PAM: variants seen among roughly 807,000 people sequenced by gnomAD.
PAM encodes peptidylglycine alpha-amidating monooxygenase, also known as peptidyl-glycine alpha-amidating monooxygenase.
PAM carries 72 observed loss-of-function variants against 122.1 expected under a neutral mutation model. That is an observed-to-expected ratio of 0.59 (90% CI 0.49 to 0.72). The LOEUF is 0.72. PAM is among the 30% of genes least tolerant of loss of function. The pLI is 0.00. For missense variants in PAM, 1,106 were observed against 1,183.7 expected (o/e 0.93, Z 0.96); for synonymous variants, 389 against 404.4 (o/e 0.96, Z 0.46).
intron 14 of PAM, among the ~76,000 whole-genome samples, chr5:102,971,982 G>GCCAGGCCTGTGCAACTGTGTGCAC (rs1765972750): frequency 6.6e-6 from 1 of 152,170 alleles, no homozygotes. Context: ...ACTGTGTGCA[G>GCCAGGCCTGTGCAACTGTGTGCAC]CCAAGCCTGT....
chr5:102,882,000 G>A (rs1203585675), intron 3 of PAM, among the ~76,000 whole-genome samples: 1 of 139,548 alleles, frequency 7.2e-6, no homozygotes, highest in Non-Finnish European at 1.5e-5. Context: ...CCAGGTTGCT[G>A]TGAATGCCAT....
At chr5:102,959,308 T>C (rs1430621792) in intron 12 of PAM, among the ~76,000 whole-genome samples, 1 of 152,052 alleles carries the variant, frequency 6.6e-6, no homozygotes, top group Admixed American at 6.6e-5. Context: ...GGATACACTT[T>C]GAATGTCTTA....
intron 5 of PAM, among the ~76,000 whole-genome samples, chr5:102,916,626 TTATA>T (rs10550198): frequency 9.2e-4 from 133 of 143,938 alleles, no homozygotes; most frequent in African/African-American, 3.1e-3. Context: ...TCAGGCCTTT[TTATA>T]TATATATATA....
intron 1 of PAM, among the ~76,000 whole-genome samples, chr5:102,761,418 G>A (rs1023458832): frequency 5.3e-5 from 8 of 152,100 alleles, no homozygotes; most frequent in East Asian, 1.9e-4. Flanking sequence ...AACAAAGGAC[G>A]GTTTTTACCT....
chr5:102,818,470 C>T (rs1042450161), intron 1 of PAM, among the ~76,000 whole-genome samples: 1 of 151,668 alleles, frequency 6.6e-6, no homozygotes, highest in African/African-American at 2.4e-5. Context: ...ACCTATTCTG[C>T]CCTTTACAGA....
At chr5:103,007,188 T>C (rs1019787840) in intron 19 of PAM, among the ~76,000 whole-genome samples, 177 bp downstream of exon 19, 6 of 106,452 alleles carry the variant, frequency 5.6e-5, no homozygotes, top group African/African-American at 2.9e-4. Flanking sequence ...CACACACATA[T>C]ACATACACAC....
At chr5:102,845,269 C>T (rs928087451) in intron 1 of PAM, among the ~76,000 whole-genome samples, 12 of 152,278 alleles carry the variant, frequency 7.9e-5, no homozygotes, top group African/African-American at 2.9e-4. Flanking sequence ...ACAAAGAAAG[C>T]GTTGTCAGGC....
rs189361171 is a variant in PAM, at chr5:102,805,027, G to A, written c.-374+49679G>A. ...GATAGAGTTATTTCTTTAGGAAATA[G>A]TGCTGGTTTGTCTGTTTCTTATGAA... is the stretch of plus-strand genomic sequence containing the variant. On this transcript the variant is annotated intron_variant, in intron 1 of 25. Transcript: ENST00000438793. Among the ~76,000 whole-genome samples, 30 of 150,690 alleles carry A rather than the reference G, an allele frequency of 2.0e-4. 1 individual carries two copies. Among genetic ancestry groups the A allele is most frequent in the African/African-American group, 7.3e-4 (30 of 41,014 alleles).
chr5:102,966,498 C>A (rs1764118244), intron 14 of PAM, among the ~76,000 whole-genome samples: 1 of 152,090 alleles, frequency 6.6e-6, no homozygotes, highest in Non-Finnish European at 1.5e-5. Flanking sequence ...AAGTTCACTT[C>A]ATTTGTGATC....
chr5:102,987,568 C>G (rs1051990246), intron 15 of PAM: 7 of 455,388 alleles, frequency 1.5e-5, no homozygotes, highest in African/African-American at 1.4e-4. Flanking sequence ...GATAAGTGTT[C>G]AAGGTGATGT....
intron 14 of PAM, among the ~76,000 whole-genome samples, chr5:102,973,031 A>G (rs1407687486): frequency 6.6e-6 from 1 of 152,298 alleles, no homozygotes; most frequent in African/African-American, 2.4e-5. Flanking sequence ...ACCAGTTATC[A>G]TTTTCATTTC....
At position 102,856,846 on chromosome 5, in the gene PAM, A is replaced by G. The variant is rs547909022; in HGVS notation, c.-373-8977A>G. On this transcript the variant is annotated intron_variant, in intron 1 of 25. Transcript: ENST00000438793. ...TGACTTGCAAGGGAAAGATACTTCA[A>G]ATTGGCTGCATGTTAGAAGACATGA... Among the ~76,000 whole-genome samples the G allele has an allele frequency of 1.2e-4, 19 of 152,306 alleles. No individual in the cohort carries two copies. The East Asian group carries it at 2.9e-3, about 23-fold the overall frequency.
intron 1 of PAM, among the ~76,000 whole-genome samples, chr5:102,863,799 T>A (rs1784792219): frequency 6.6e-6 from 1 of 151,324 alleles, no homozygotes; most frequent in Admixed American, 6.6e-5. Context: ...TTTTTTTTGA[T>A]CTGATGATTT....
intron 1 of PAM, among the ~76,000 whole-genome samples, chr5:102,786,784 C>A (rs1760662243): frequency 6.6e-6 from 1 of 152,014 alleles, no homozygotes; most frequent in African/African-American, 2.4e-5. Context: ...AGTAGCAAAT[C>A]AATAATTTAC....
intron 1 of PAM, among the ~76,000 whole-genome samples, chr5:102,812,222 A>G (rs1013784928): frequency 5.3e-5 from 8 of 152,354 alleles, no homozygotes; most frequent in African/African-American, 1.9e-4. Context: ...ACATTAATCA[A>G]TAACTTTAAA....
chr5:103,009,772 G>A lies in PAM; in HGVS notation c.2237G>A (p.Gly746Glu). The A allele has an allele frequency of 1.2e-6, 2 of 1,609,866 alleles. No individual in the cohort carries two copies. The highest frequency in any genetic ancestry group is 1.7e-6 in the Non-Finnish European group (2 of 1,176,390). ...YIPGLLFAVNGKPHFGDQEPV... is the reference protein window; with the variant it reads ...YIPGLLFAVNEKPHFGDQEPV... ...GCAGGCTTGCTCTTTGCAGTGAATG[G>A]GAAGCCTCATTTTGGGGACCAAGAA... is the stretch of plus-strand genomic sequence containing the variant. The change falls in exon 21 of 26, where the codon GGG becomes GAG. Residue 746 changes from glycine (G) to glutamate (E), a missense_variant. Physicochemically the swap from Gly to Glu is moderately conservative, Grantham distance 98 (BLOSUM62 -2). Coordinates refer to ENST00000438793, the MANE Select transcript of PAM (RefSeq NM_001177306.2).
At chr5:102,779,886 C>CATATATAT (rs767088116) in intron 1 of PAM, among the ~76,000 whole-genome samples, 1,323 of 80,906 alleles carry the variant, frequency 0.016, 21 homozygotes, top group Middle Eastern at 0.025. Context: ...CTCCCATATA[C>CATATATAT]ATATATATAT....
At chr5:102,920,414 G>A (rs1447466099) in intron 5 of PAM, among the ~76,000 whole-genome samples, 2 of 152,178 alleles carry the variant, frequency 1.3e-5, no homozygotes, top group South Asian at 2.1e-4. Context: ...CCTTATTGGA[G>A]CAAAGGAACA....
intron 3 of PAM, among the ~76,000 whole-genome samples, chr5:102,886,340 CAT>C (rs1793080601): frequency 6.6e-6 from 1 of 151,886 alleles, no homozygotes; most frequent in South Asian, 2.1e-4. Flanking sequence ...TTATAATGTA[CAT>C]ATGAGTATTA....
Sources: allele counts gnomAD v4.1 joint callset (sites outside exome capture counted in the v4.1 genomes callset), GRCh38; gene constraint gnomAD v4.1.1; transcripts MANE v1.5; gene names NCBI Gene and HGNC (gene_info 2026-07-23, HGNC 2026-07-21).